Variants in MGAT4C observed in about 807,000 individuals in gnomAD.
The protein encoded by MGAT4C is alpha-1,3-mannosyl-glycoprotein 4-beta-N-acetylglucosaminyltransferase C.
Under a neutral mutation model 40.1 loss-of-function variants are expected in MGAT4C, and 19 were observed. The observed-to-expected ratio is 0.47, with a 90% CI of 0.33 to 0.70. The LOEUF (loss-of-function observed/expected upper bound fraction) is 0.70. Among genes scored for constraint, MGAT4C ranks in the 30% least tolerant of loss-of-function variants. The pLI is 0.02. For missense variants in MGAT4C, 491 were observed against 563.2 expected, an observed-to-expected ratio of 0.87 and a Z score of 1.30; for synonymous variants, 181 against 187.1, an observed-to-expected ratio of 0.97 and a Z score of 0.27.
chr12:86,578,957 A>AT (rs908232565), intron 2 of MGAT4C, among the ~76,000 whole-genome samples: 4 of 150,794 alleles, frequency 2.7e-5, no homozygotes, highest in Non-Finnish European at 4.4e-5. Flanking sequence ...TTTGAAATCT[A>AT]TTTTTTCTGA....
At chr12:86,179,496 A>G (rs1887877292) in intron 1 of MGAT4C, among the ~76,000 whole-genome samples, 1 of 152,184 alleles carries the variant, frequency 6.6e-6, no homozygotes, top group Admixed American at 6.5e-5. Flanking sequence ...CAATGTGGGA[A>G]AGTTTGGAAC....
chr12:86,026,149 G>T (rs1284898391), intron 2 of MGAT4C, among the ~76,000 whole-genome samples: 1 of 151,578 alleles, frequency 6.6e-6, no homozygotes, highest in African/African-American at 2.4e-5. Flanking sequence ...TAAGGAGTGG[G>T]GATATAAAAT....
At chr12:86,003,818 T>G (rs1424129782) in intron 2 of MGAT4C, among the ~76,000 whole-genome samples, 3 of 151,968 alleles carry the variant, frequency 2.0e-5, no homozygotes. Context: ...ACTAGATTTT[T>G]TTTTCTGTGG....
At chr12:86,814,705 T>C (rs10777004) in intron 1 of MGAT4C, among the ~76,000 whole-genome samples, 77,613 of 151,624 alleles carry the variant, frequency 0.51, 20,503 homozygotes, top group Middle Eastern at 0.63. Flanking sequence ...TTTTGGGAAG[T>C]GATTAAGTAA....
intron 2 of MGAT4C, among the ~76,000 whole-genome samples, chr12:86,619,889 GT>G (rs1237277805): frequency 6.6e-6 from 1 of 152,114 alleles, no homozygotes; most frequent in African/African-American, 2.4e-5. Context: ...AAAAAACCTT[GT>G]AAAAATCCTC....
At chr12:86,662,807 G>C (rs1212586673) in intron 2 of MGAT4C, among the ~76,000 whole-genome samples, 1 of 152,102 alleles carries the variant, frequency 6.6e-6, no homozygotes, top group Non-Finnish European at 1.5e-5. Context: ...TTGATCACTA[G>C]TAAGGTTTTG....
intron 1 of MGAT4C, among the ~76,000 whole-genome samples, chr12:86,243,105 C>T (rs1396175934): frequency 6.6e-6 from 1 of 152,096 alleles, no homozygotes; most frequent in Non-Finnish European, 1.5e-5. Flanking sequence ...GCCATTTCTC[C>T]AGGTCTCCAA....
intron 1 of MGAT4C, among the ~76,000 whole-genome samples, chr12:86,786,779 C>G (rs1951938056): frequency 2.6e-5 from 4 of 152,112 alleles, no homozygotes; most frequent in Non-Finnish European, 5.9e-5. Flanking sequence ...TGTTCACATA[C>G]AGCTGAGCTT....
chr12:86,226,999 T>A (rs1951113359), intron 1 of MGAT4C, among the ~76,000 whole-genome samples: 1 of 151,904 alleles, frequency 6.6e-6, no homozygotes, highest in African/African-American at 2.4e-5. Context: ...CTCTTTAAAC[T>A]CCTTTCAGTG....
At chr12:86,801,119 G>A (rs571746901) in intron 1 of MGAT4C, among the ~76,000 whole-genome samples, 1 of 151,964 alleles carries the variant, frequency 6.6e-6, no homozygotes, top group East Asian at 1.9e-4. Context: ...TAAGCGTGTG[G>A]TGTAAAGGCA....
chr12:86,569,068 C>A (rs957034500), intron 2 of MGAT4C, among the ~76,000 whole-genome samples: 3 of 151,696 alleles, frequency 2.0e-5, no homozygotes, highest in African/African-American at 7.3e-5. Flanking sequence ...TAGAAAGACA[C>A]CTTTGTTTGT....
chr12:86,360,349 G>A (rs1955434877), intron 3 of MGAT4C, among the ~76,000 whole-genome samples: 1 of 152,126 alleles, frequency 6.6e-6, no homozygotes, highest in Non-Finnish European at 1.5e-5. Context: ...AACAATAAGA[G>A]CTATTTATGA....
chr12:86,137,313 T>C (rs1199865446), intron 1 of MGAT4C, among the ~76,000 whole-genome samples: 2 of 152,218 alleles, frequency 1.3e-5, no homozygotes, highest in African/African-American at 4.8e-5. Context: ...TCATTCTGAC[T>C]ACCCTCATCC....
chr12:85,980,478 GA>G (rs1237786001), intron 4 of MGAT4C, 48 bp from the exon 5 acceptor site: 1 of 1,475,356 alleles, frequency 6.8e-7, no homozygotes, highest in Non-Finnish European at 9.1e-7. Flanking sequence ...TAGAAATATG[GA>G]AAAAGTAAAA....
intron 1 of MGAT4C, among the ~76,000 whole-genome samples, chr12:86,230,897 T>A (rs146919969): frequency 9.2e-5 from 14 of 151,966 alleles, no homozygotes; most frequent in Admixed American, 8.5e-4. Context: ...TTTTCCTAAT[T>A]TACGTGCCAA....
intron 2 of MGAT4C, among the ~76,000 whole-genome samples, chr12:86,655,181 C>A (rs10858457): frequency 6.6e-6 from 1 of 151,706 alleles, no homozygotes; most frequent in Non-Finnish European, 1.5e-5. Context: ...GTTGTCCCTC[C>A]CCCTGTCCCC....
At chr12:86,297,501 C>T (rs1332907882) in intron 4 of MGAT4C, among the ~76,000 whole-genome samples, 1 of 152,094 alleles carries the variant, frequency 6.6e-6, no homozygotes, top group Non-Finnish European at 1.5e-5. Flanking sequence ...AGGGAGAAAA[C>T]TGTAAAAGCA....
At chr12:86,061,110 C>A (rs1390685869) in intron 1 of MGAT4C, among the ~76,000 whole-genome samples, 2 of 152,130 alleles carry the variant, frequency 1.3e-5, no homozygotes, top group Non-Finnish European at 2.9e-5. Context: ...CAGCTCCCAG[C>A]AAGATCAACT....
intron 1 of MGAT4C, among the ~76,000 whole-genome samples, chr12:86,184,904 A>C (rs1319150108): frequency 2.0e-5 from 3 of 152,184 alleles, no homozygotes; most frequent in African/African-American, 7.2e-5. Flanking sequence ...AAAAATCTGG[A>C]TATTCCCGTC....
Sources: gnomAD v4.1 joint callset for allele counts (sites outside exome capture counted in the v4.1 genomes callset) on GRCh38, gnomAD v4.1.1 for gene constraint, MANE v1.5 for transcripts, NCBI Gene and HGNC (gene_info 2026-07-23, HGNC 2026-07-21) for gene names.